Variants in STON2 observed in about 807,000 individuals in gnomAD.
STON2 encodes the protein stonin 2.
In STON2, 29 loss-of-function variants were observed where a neutral mutation model predicts 65.7. That is an observed-to-expected ratio of 0.44 (90% CI 0.33 to 0.60). The LOEUF (loss-of-function observed/expected upper bound fraction) is 0.60. Ranked by LOEUF, STON2 falls within the 20% of genes least tolerant of loss-of-function variation. The probability of loss-of-function intolerance (pLI) is 0.03; values close to 1 mark genes in which losing one functional copy is unlikely to be tolerated. For missense variants in STON2, 1,054 were observed against 1,118.1 expected, an observed-to-expected ratio of 0.94 and a Z score of 0.82; for synonymous variants, 404 against 414.2, an observed-to-expected ratio of 0.98 and a Z score of 0.30.
chr14:81,270,966 G>A, intron 6 of STON2, 94 bp from the exon 7 acceptor site: 1 of 1,481,304 alleles, frequency 6.8e-7, no homozygotes. Flanking sequence ...GGAGGCCTGT[G>A]GGCTCGGCAC....
intron 4 of STON2, among the ~76,000 whole-genome samples, chr14:81,369,754 G>A (rs1898902779): frequency 1.3e-5 from 2 of 152,254 alleles, no homozygotes; most frequent in South Asian, 4.1e-4. Flanking sequence ...ATGCATATGG[G>A]CCTCCTCCCT....
Position 81,336,815 on chromosome 14 carries a change from T to C in STON2, c.572-12628A>G, listed in dbSNP as rs534929330. 4.6e-5 allele frequency among the ~76,000 whole-genome samples: 7 copies of C among 152,130 alleles called. No homozygotes were observed. In the South Asian group the frequency reaches 1.0e-3, roughly 22 times the overall value. ...GATGGCTCAGGTTGGAGTGAGTGAA[T>C]GAATTAGTGGGTGAATGAATGAAAG... On this transcript the variant is annotated intron_variant, in intron 4 of 7. Coordinates refer to ENST00000614646, the MANE Select transcript of STON2 (RefSeq NM_001394390.1).
At chr14:81,434,311 G>C (rs1041289999) in intron 1 of STON2, among the ~76,000 whole-genome samples, 1 of 152,158 alleles carries the variant, frequency 6.6e-6, no homozygotes, top group Middle Eastern at 3.2e-3. Flanking sequence ...TCTGAACTCA[G>C]AAGTCTTTGC....
intron 3 of STON2, among the ~76,000 whole-genome samples, chr14:81,380,695 A>C (rs1157637172): frequency 6.6e-6 from 1 of 152,218 alleles, no homozygotes; most frequent in Non-Finnish European, 1.5e-5. Context: ...GCTGGAGGTC[A>C]TTATCCTAAA....
At chr14:81,329,706 G>A (rs1310086724) in intron 4 of STON2, among the ~76,000 whole-genome samples, 1 of 152,162 alleles carries the variant, frequency 6.6e-6, no homozygotes, top group African/African-American at 2.4e-5. Context: ...AAAACATACA[G>A]TGAACTCAGA....
chr14:81,386,378 T>G (rs190465792), intron 3 of STON2, among the ~76,000 whole-genome samples: 2 of 151,792 alleles, frequency 1.3e-5, no homozygotes, highest in East Asian at 3.9e-4. Context: ...AACAACATAA[T>G]AGAAATTAAC....
rs771425761 is a variant in STON2 at position 81,277,490 on chromosome 14, C to T, written c.1992G>A (p.Gly664=). The change falls in exon 6 of 8, where the codon GGG becomes GGA. Residue 664 remains glycine (G), a synonymous_variant. Coordinates refer to ENST00000614646, the MANE Select transcript of STON2 (RefSeq NM_001394390.1). ...TGAGGCCCAGGCGGCACTCTGCGAGCCCAGACAGGAAACTCAGGATGTGGA... is the reference window on the plus strand; with the variant it reads ...TGAGGCCCAGGCGGCACTCTGCGAGTCCAGACAGGAAACTCAGGATGTGGA... ...TRIHILSFLS[G]LAECRLGLND... is the part of the protein sequence containing the mutation. The T allele has an allele frequency of 3.7e-6, 6 of 1,614,024 alleles. No individual in the cohort carries two copies. The highest frequency in any genetic ancestry group is 5.1e-6 in the Non-Finnish European group (6 of 1,180,036).
chr14:81,383,623 C>T (rs1252037585), intron 3 of STON2, among the ~76,000 whole-genome samples: 1 of 152,136 alleles, frequency 6.6e-6, no homozygotes, highest in East Asian at 1.9e-4. Flanking sequence ...GGAATCCAAT[C>T]ACTTCCTGCC....
chr14:81,436,395 G>T (rs1361220820), exon 1 of STON2: 1 of 151,620 alleles, frequency 6.6e-6, no homozygotes, highest in African/African-American at 2.4e-5. Flanking sequence ...CTGGCCGCGG[G>T]ATACCCACCC....
chr14:81,336,112 G>A (rs914968902), intron 4 of STON2, among the ~76,000 whole-genome samples: 3 of 152,152 alleles, frequency 2.0e-5, no homozygotes, highest in Admixed American at 6.5e-5. Flanking sequence ...TGAGTCAGAA[G>A]GCAAGTGAAG....
chr14:81,328,394 T>C (rs1317752346), intron 4 of STON2, among the ~76,000 whole-genome samples: 1 of 152,242 alleles, frequency 6.6e-6, no homozygotes, highest in East Asian at 1.9e-4. Flanking sequence ...CCCAGTCAGC[T>C]ATTTTGAAAG....
chr14:81,365,165 GT>G (rs1898665495), intron 4 of STON2, among the ~76,000 whole-genome samples: 2 of 152,078 alleles, frequency 1.3e-5, no homozygotes. Flanking sequence ...GGTTGCTGTT[GT>G]CCTGTCCAGT....
At chr14:81,423,257 T>C (rs764457136) in intron 2 of STON2, among the ~76,000 whole-genome samples, 4 of 152,180 alleles carry the variant, frequency 2.6e-5, no homozygotes, top group Non-Finnish European at 4.4e-5. Flanking sequence ...TCCTTGAAAC[T>C]GGTTCTTAGC....
chr14:81,278,273 G>T lies in STON2; in HGVS notation c.1209C>A (p.Ser403=). Reference sequence around the variant, plus strand: ...GGCTTTTGCCCGTGGTACTGGAAATGGAACTGTTTTGGGAGCGCCTCTCCT... The same window carrying T: ...GGCTTTTGCCCGTGGTACTGGAAATTGAACTGTTTTGGGAGCGCCTCTCCT... ...EEQERRSQNS[S]ISSTTGKSQR... is the part of the protein sequence containing the mutation. The change falls in exon 6 of 8, where the codon TCC becomes TCA. Residue 403 remains serine, a synonymous_variant. Coordinates refer to ENST00000614646, the MANE Select transcript of STON2 (RefSeq NM_001394390.1). The T allele has an allele frequency of 6.2e-7, 1 of 1,614,162 alleles. No individual in the cohort carries two copies. The highest frequency in any genetic ancestry group is 1.3e-5 in the African/African-American group (1 of 75,048).
At chr14:81,298,164 G>T (rs1166008497) in intron 5 of STON2, among the ~76,000 whole-genome samples, 1 of 152,196 alleles carries the variant, frequency 6.6e-6, no homozygotes, top group African/African-American at 2.4e-5. Context: ...AGAGCTCCTT[G>T]TGGGGGCTCT....
At chr14:81,360,858 A>T (rs1472402359) in intron 4 of STON2, among the ~76,000 whole-genome samples, 1 of 152,196 alleles carries the variant, frequency 6.6e-6, no homozygotes, top group Non-Finnish European at 1.5e-5. Context: ...AAAAATCAGT[A>T]CTGTTTCTAT....
intron 5 of STON2, among the ~76,000 whole-genome samples, chr14:81,286,303 A>G (rs930444914): frequency 2.0e-5 from 3 of 152,210 alleles, no homozygotes; most frequent in African/African-American, 7.2e-5. Flanking sequence ...ATAGCATCAC[A>G]TACTACAGAC....
chr14:81,304,117 A>G (rs1042959315), intron 5 of STON2, among the ~76,000 whole-genome samples: 3 of 152,182 alleles, frequency 2.0e-5, no homozygotes, highest in African/African-American at 7.2e-5. Context: ...ACTCTCTTGT[A>G]GAGTCAAATA....
At chr14:81,341,837 T>C (rs1397506363) in intron 4 of STON2, among the ~76,000 whole-genome samples, 2 of 152,212 alleles carry the variant, frequency 1.3e-5, no homozygotes, top group Non-Finnish European at 2.9e-5. Context: ...CAGTAACAGA[T>C]AATCTCAGAA....
Sources: allele counts gnomAD v4.1 joint callset (sites outside exome capture counted in the v4.1 genomes callset), GRCh38; gene constraint gnomAD v4.1.1; transcripts MANE v1.5; gene names NCBI Gene and HGNC (gene_info 2026-07-23, HGNC 2026-07-21).